Variants in SYNE1 observed in about 807,000 individuals in gnomAD.
The protein encoded by SYNE1 is nesprin-1.
Under a neutral mutation model 1,111.0 loss-of-function variants are expected in SYNE1, and 616 were observed. The observed-to-expected ratio is 0.55, with a 90% CI of 0.52 to 0.59. SYNE1 has a LOEUF of 0.59. Ranked by LOEUF, SYNE1 falls within the 20% of genes least tolerant of loss-of-function variation. SYNE1 has a pLI of 0.00. For synonymous variants in SYNE1, 3,855 were observed against 3,825.8 expected (o/e 1.01, Z -0.28); for missense variants, 10,006 against 10,417.0 (o/e 0.96, Z 1.72).
chr6:152,225,276 C>G (rs902027968), intron 116 of SYNE1, among the ~76,000 whole-genome samples: 5 of 107,678 alleles, frequency 4.6e-5, no homozygotes, highest in African/African-American at 7.5e-5. Flanking sequence ...CTCACATATG[C>G]GCAAACACAC....
chr6:152,519,789 T>G (rs2099129908), intron 6 of SYNE1, among the ~76,000 whole-genome samples: 1 of 152,206 alleles, frequency 6.6e-6, no homozygotes, highest in East Asian at 1.9e-4. Flanking sequence ...AAACAGTGAC[T>G]CTACCATAGG....
chr6:152,580,955 G>T (rs2099517137), intron 3 of SYNE1, among the ~76,000 whole-genome samples: 1 of 152,186 alleles, frequency 6.6e-6, no homozygotes, highest in African/African-American at 2.4e-5. Flanking sequence ...GGCATTCATT[G>T]GGCTACATCT....
intron 3 of SYNE1, among the ~76,000 whole-genome samples, chr6:152,541,047 T>G (rs1405382845): frequency 6.6e-6 from 1 of 152,214 alleles, no homozygotes; most frequent in Non-Finnish European, 1.5e-5. Flanking sequence ...AATAAATGAT[T>G]GTTGCTTTAA....
At chr6:152,307,078 T>C (rs1293410740) in intron 91 of SYNE1, among the ~76,000 whole-genome samples, 3 of 152,116 alleles carry the variant, frequency 2.0e-5, no homozygotes, top group East Asian at 1.9e-4. Flanking sequence ...TTAAAAATCG[T>C]TTCAAAATAA....
At chr6:152,190,655 C>G (rs1338334324) in intron 127 of SYNE1, among the ~76,000 whole-genome samples, 1 of 152,114 alleles carries the variant, frequency 6.6e-6, no homozygotes, top group African/African-American at 2.4e-5. Flanking sequence ...CCTTGTTGTT[C>G]TATCAAATAC....
intron 87 of SYNE1, among the ~76,000 whole-genome samples, chr6:152,314,957 G>C (rs2095666359): frequency 7.2e-6 from 1 of 139,664 alleles, no homozygotes. Context: ...ACGCCACTGA[G>C]CTACAGCCTG....
At chr6:152,161,682 A>G (rs2062536167) in intron 131 of SYNE1, among the ~76,000 whole-genome samples, 1 of 151,756 alleles carries the variant, frequency 6.6e-6, no homozygotes, top group Admixed American at 6.6e-5. Context: ...ATTCTTGCCT[A>G]CCCACACATA....
At chr6:152,233,051 G>A (rs1386539813) in intron 112 of SYNE1, among the ~76,000 whole-genome samples, 1 of 152,174 alleles carries the variant, frequency 6.6e-6, no homozygotes, top group Non-Finnish European at 1.5e-5. Context: ...GGATTTCAGG[G>A]GAGGTGGGTG....
At chr6:152,224,402 G>A (rs1222338060) in intron 117 of SYNE1, 92 bp downstream of exon 117, 4 of 1,086,296 alleles carry the variant, frequency 3.7e-6, no homozygotes, top group South Asian at 1.3e-5. Context: ...AACAACATAT[G>A]GCAATATTTC....
chr6:152,557,868 T>G (rs2099375287), intron 3 of SYNE1, among the ~76,000 whole-genome samples: 1 of 145,072 alleles, frequency 6.9e-6, no homozygotes, highest in African/African-American at 2.6e-5. Context: ...AATGAAAATA[T>G]ATGAAAGTAA....
At chr6:152,274,673 T>A (rs6926929) in intron 98 of SYNE1, among the ~76,000 whole-genome samples, 2 of 152,134 alleles carry the variant, frequency 1.3e-5, no homozygotes, top group Non-Finnish European at 2.9e-5. Flanking sequence ...CTCGGCTCAC[T>A]GCAACCTCTG....
At chr6:152,430,278 C>T in intron 35 of SYNE1, 68 bp from the exon 36 acceptor site, 7 of 1,364,422 alleles carry the variant, frequency 5.1e-6, no homozygotes, top group Non-Finnish European at 7.2e-6. Flanking sequence ...AAAAAAGTTA[C>T]TGAGAAAATG....
At chr6:152,435,805 G>T (rs1361632656) in intron 33 of SYNE1, 136 bp downstream of exon 33, 2 of 1,076,036 alleles carry the variant, frequency 1.9e-6, no homozygotes, top group Non-Finnish European at 2.7e-6. Context: ...TTTGAACTGT[G>T]AGTTGTTTCC....
chr6:152,593,023 T>A (rs2099571386), intron 3 of SYNE1, among the ~76,000 whole-genome samples: 2 of 152,350 alleles, frequency 1.3e-5, no homozygotes, highest in South Asian at 4.1e-4. Context: ...TTTATCTTTC[T>A]TAAATGTATG....
At chr6:152,400,375 G>T (rs2097794222) in intron 47 of SYNE1, among the ~76,000 whole-genome samples, 1 of 152,130 alleles carries the variant, frequency 6.6e-6, no homozygotes, top group Non-Finnish European at 1.5e-5. Flanking sequence ...TAGGAAACAT[G>T]AAAATGGGCC....
intron 4 of SYNE1, among the ~76,000 whole-genome samples, chr6:152,533,383 C>A (rs942344990): frequency 6.6e-6 from 1 of 151,962 alleles, no homozygotes; most frequent in African/African-American, 2.4e-5. Flanking sequence ...ACTCAGCTCT[C>A]AACAATTTTC....
At chr6:152,397,013 G>A in intron 49 of SYNE1, 33 bp from the exon 50 acceptor site, 1 of 1,599,336 alleles carries the variant, frequency 6.3e-7, no homozygotes, top group Non-Finnish European at 8.6e-7. Flanking sequence ...TAGGTCCATG[G>A]GACTATGCAT....
At chr6:152,169,273 T>C (rs2064482136) in intron 130 of SYNE1, among the ~76,000 whole-genome samples, 1 of 152,032 alleles carries the variant, frequency 6.6e-6, no homozygotes, top group South Asian at 2.1e-4. Flanking sequence ...CACATTTTCT[T>C]AATAAAAGAA....
rs568386886 is a variant in SYNE1, at chr6:152,434,639, A to G, written c.4311-694T>C. On this transcript the variant is annotated intron_variant, in intron 33 of 145. Coordinates refer to ENST00000367255, the MANE Select transcript of SYNE1 (RefSeq NM_182961.4). ...TATTTGTAACAAATCTAGTGAACAG[A>G]ATTTCAACTATAGATTTCTAATTTG... is the stretch of plus-strand genomic sequence containing the variant. 2.0e-5 allele frequency: 3 copies of G among 152,274 alleles called. No homozygotes were observed. The South Asian group carries it at 6.2e-4, about 32-fold the overall frequency. 9.4% of individuals were successfully genotyped at this position (152,274 alleles called of 1,614,324 possible).
Sources: allele counts gnomAD v4.1 joint callset (sites outside exome capture counted in the v4.1 genomes callset), GRCh38; gene constraint gnomAD v4.1.1; transcripts MANE v1.5; gene names NCBI Gene and HGNC (gene_info 2026-07-23, HGNC 2026-07-21).